Variants in SCAF8 observed in about 807,000 individuals in gnomAD.
SCAF8 encodes the protein SR-related CTD associated factor 8, also known as SR-related and CTD-associated factor 8.
Under a neutral mutation model 140.5 loss-of-function variants are expected in SCAF8, and 23 were observed. The observed-to-expected ratio is 0.16, with a 90% CI of 0.12 to 0.23. SCAF8 has a LOEUF of 0.23. Among genes scored for constraint, SCAF8 ranks in the 10% least tolerant of loss-of-function variants. The probability of loss-of-function intolerance (pLI) is 1.00; values close to 1 mark genes in which losing one functional copy is unlikely to be tolerated. For missense variants in SCAF8, 1,397 were observed against 1,555.7 expected, an observed-to-expected ratio of 0.90 and a Z score of 1.72; for synonymous variants, 575 against 528.9, an observed-to-expected ratio of 1.09 and a Z score of -1.20.
chr6:154,805,493 A>G lies in SCAF8; in HGVS notation c.981+7A>G. On this transcript the variant is annotated splice_region_variant and intron_variant, in intron 9 of 19. Coordinates refer to ENST00000367178, the MANE Select transcript of SCAF8 (RefSeq NM_014892.5). ...GCAGCAACAGCCTCAAAAGGTTTATAACCCCATCTTGTGGTCTTTAGAGTT... is the reference window on the plus strand; with the variant it reads ...GCAGCAACAGCCTCAAAAGGTTTATGACCCCATCTTGTGGTCTTTAGAGTT... 8 of 1,528,354 alleles carry G rather than the reference A, an allele frequency of 5.2e-6. No individual in the cohort carries two copies. Among genetic ancestry groups the G allele is most frequent in the Non-Finnish European group, 7.2e-6 (8 of 1,107,004 alleles). 94.7% of individuals were successfully genotyped at this position (1,528,354 alleles called of 1,614,324 possible).
At chr6:154,762,420 A>C (rs1776432521) in intron 1 of SCAF8, among the ~76,000 whole-genome samples, 1 of 152,004 alleles carries the variant, frequency 6.6e-6, no homozygotes, top group African/African-American at 2.4e-5. Context: ...GGTTACTCTC[A>C]GTTTCTAGTG....
chr6:154,801,935 A>G, intron 6 of SCAF8, 36 bp from the exon 7 acceptor site: 2 of 1,491,696 alleles, frequency 1.3e-6, no homozygotes, highest in East Asian at 2.3e-5. Flanking sequence ...AAAAAACCCA[A>G]CACCTGTTTT....
At chr6:154,746,283 G>A (rs1778697145) in intron 1 of SCAF8, among the ~76,000 whole-genome samples, 4 of 152,120 alleles carry the variant, frequency 2.6e-5, no homozygotes, top group Admixed American at 2.0e-4. Flanking sequence ...CTTTTGACAA[G>A]TCCTCATTAT....
intron 1 of SCAF8, among the ~76,000 whole-genome samples, chr6:154,741,465 G>A (rs1178458514): frequency 6.6e-6 from 1 of 151,940 alleles, no homozygotes; most frequent in Non-Finnish European, 1.5e-5. Flanking sequence ...GGAGTGCAGA[G>A]GCATGATCTT....
chr6:154,776,299 A>G (rs757961124), intron 2 of SCAF8, among the ~76,000 whole-genome samples: 30 of 36,152 alleles, frequency 8.3e-4, no homozygotes, highest in African/African-American at 2.3e-3. Context: ...GTATATATGT[A>G]TATATATATA....
intron 1 of SCAF8, among the ~76,000 whole-genome samples, chr6:154,765,063 T>C (rs1776522115): frequency 6.6e-6 from 1 of 152,230 alleles, no homozygotes; most frequent in South Asian, 2.1e-4. Flanking sequence ...ACATTAAATA[T>C]AGTCTCTTTA....
At position 154,796,395 on chromosome 6, in the gene SCAF8, C is replaced by CTG. The variant is rs1777610795; in HGVS notation, c.606+1257_606+1258insGT. 4.1e-5 allele frequency among the ~76,000 whole-genome samples: 6 copies of CTG among 145,768 alleles called. No individual in the cohort carries two copies. In the South Asian group the frequency reaches 6.7e-4, roughly 16 times the overall value. ...TCTCTCTCTCTCTCTCTCTCTCTGT[C>CTG]TCTCTCTTTTTCTGACCCTCAAATT... On this transcript the variant is annotated intron_variant, in intron 6 of 19. Transcript: ENST00000367178.
chr6:154,775,670 T>C (rs898957756), intron 2 of SCAF8, among the ~76,000 whole-genome samples: 2 of 152,176 alleles, frequency 1.3e-5, no homozygotes, highest in Non-Finnish European at 2.9e-5. Flanking sequence ...CTGGGTAGGC[T>C]GAGGCAGGAG....
intron 1 of SCAF8, among the ~76,000 whole-genome samples, chr6:154,758,673 A>G (rs1301054964): frequency 1.3e-5 from 2 of 152,110 alleles, no homozygotes; most frequent in Non-Finnish European, 2.9e-5. Context: ...CTTCAGAATG[A>G]AGTAGTGAAA....
chr6:154,812,868 T>G (rs1778137304), intron 12 of SCAF8, among the ~76,000 whole-genome samples: 1 of 151,984 alleles, frequency 6.6e-6, no homozygotes, highest in Non-Finnish European at 1.5e-5. Flanking sequence ...TCAGGGAGAT[T>G]AAGGCAGCTG....
intron 1 of SCAF8, among the ~76,000 whole-genome samples, chr6:154,764,787 C>T (rs1289198755): frequency 6.6e-6 from 1 of 152,182 alleles, no homozygotes; most frequent in Non-Finnish European, 1.5e-5. Flanking sequence ...GTCCCAGAAT[C>T]AGCTTTCATT....
At position 154,788,041 on chromosome 6, in the gene SCAF8, T is replaced by G; in HGVS notation, c.321+19T>G. 3 of 1,579,728 alleles carry G rather than the reference T, an allele frequency of 1.9e-6. No homozygotes were observed. Among genetic ancestry groups the G allele is most frequent in the Non-Finnish European group, 2.6e-6 (3 of 1,168,652 alleles). ...TGACAAGGTATGCTACTGGTTTTTT[T>G]TTTTTGTTTTTTTAAAAGTAGATAC... On this transcript the variant is annotated intron_variant, in intron 4 of 19. Transcript: ENST00000367178.
chr6:154,833,470 A>G lies in SCAF8; in HGVS notation c.*75A>G, dbSNP rs1366203520. ...GTAATAGATAATGGCTGACTGGACC[A>G]TAGTTGTTCACTTTTGTCTGCCAGA... is the stretch of plus-strand genomic sequence containing the variant. On this transcript the variant is annotated 3_prime_UTR_variant, in exon 20 of 20. Transcript: ENST00000367178. 2.9e-6 allele frequency: 4 copies of G among 1,389,912 alleles called. No homozygotes were observed. The highest frequency in any genetic ancestry group is 3.9e-6 in the Non-Finnish European group (4 of 1,019,476). The allele number at this position is 1,389,912 out of a possible 1,614,324, so 86.1% of individuals were successfully genotyped here.
chr6:154,804,033 A>C (rs1164110347), intron 8 of SCAF8, among the ~76,000 whole-genome samples: 2 of 151,832 alleles, frequency 1.3e-5, no homozygotes, highest in African/African-American at 4.9e-5. Context: ...TGGAGTTATG[A>C]GGATTTTTTT....
chr6:154,788,294 G>A (rs1025972641), intron 4 of SCAF8, among the ~76,000 whole-genome samples: 2 of 152,200 alleles, frequency 1.3e-5, no homozygotes, highest in Admixed American at 6.5e-5. Flanking sequence ...TAGGAGCAAT[G>A]GAATATGCCA....
rs999053060 is a variant in SCAF8, at chr6:154,753,012, G to T, written c.30+19082G>T. 1.4e-3 allele frequency among the ~76,000 whole-genome samples: 207 copies of T among 145,936 alleles called. 1 individual carries two copies. The highest frequency in any genetic ancestry group is 3.1e-3 in the Admixed American group (46 of 14,636). On this transcript the variant is annotated intron_variant, in intron 1 of 19. Transcript: ENST00000367178. ...AGGAGTACAGTTTTGTTTTTGTTTT[G>T]TTTTTTTTTTTAATTTACCAGAAGG...
rs535149965 is a variant in SCAF8 at position 154,792,996 on chromosome 6, A to G, written c.475+20A>G. 5.8e-5 allele frequency: 91 copies of G among 1,577,186 alleles called. 1 individual carries two copies. In the Admixed American group the frequency reaches 1.0e-3, roughly 18 times the overall value. ...CTCCAGGTATGTTGCTTTAATATAG[A>G]TTTGTTGTCTAAATATTCTACTCAT... On this transcript the variant is annotated intron_variant, in intron 5 of 19. Transcript: ENST00000367178.
chr6:154,793,220 G>T (rs1485841133), intron 5 of SCAF8, among the ~76,000 whole-genome samples: 1 of 152,002 alleles, frequency 6.6e-6, no homozygotes. Context: ...TAGAAATTTG[G>T]TGTGTCAATT....
intron 1 of SCAF8, among the ~76,000 whole-genome samples, chr6:154,758,198 C>A (rs1779013816): frequency 6.6e-6 from 1 of 152,132 alleles, no homozygotes; most frequent in African/African-American, 2.4e-5. Flanking sequence ...AGGTTTGAGC[C>A]ACCGTGCCTG....
Sources: allele counts gnomAD v4.1 joint callset (sites outside exome capture counted in the v4.1 genomes callset), GRCh38; gene constraint gnomAD v4.1.1; transcripts MANE v1.5; gene names NCBI Gene and HGNC (gene_info 2026-07-23, HGNC 2026-07-21).